The following TLE2 variants were observed in gnomAD, a reference collection of about 807,000 sequenced individuals.
TLE2 encodes the protein transducin-like enhancer protein 2.
Under a neutral mutation model 97.2 loss-of-function variants are expected in TLE2, and 74 were observed. The ratio of observed to expected loss-of-function variants is 0.76; its 90% CI spans 0.63 to 0.92. The LOEUF (loss-of-function observed/expected upper bound fraction) is 0.92, where lower values mean the gene tolerates loss of function less well. Among genes scored for constraint, TLE2 ranks in the 40% least tolerant of loss-of-function variants. The pLI, the probability that TLE2 is intolerant of heterozygous loss-of-function variation, is 0.00. For synonymous variants in TLE2, 499 were observed against 432.1 expected (o/e 1.15, Z -1.92); for missense variants, 1,038 against 1,008.7 (o/e 1.03, Z -0.39).
At chr19:3,040,991 TTATA>T (rs1168113732) in intron 1 of TLE2, among the ~76,000 whole-genome samples, 1,025 of 29,744 alleles carry the variant, frequency 0.034, 94 homozygotes, top group African/African-American at 0.13. Flanking sequence ...CTGCTGCCAT[TTATA>T]TATATATATA....
At chr19:3,036,648 C>G (rs2090065358) in intron 1 of TLE2, among the ~76,000 whole-genome samples, 1 of 152,272 alleles carries the variant, frequency 6.6e-6, no homozygotes, top group South Asian at 2.1e-4. Context: ...TTTCCTTCCA[C>G]CCAGGAACAT....
intron 10 of TLE2, among the ~76,000 whole-genome samples, 172 bp downstream of exon 10, chr19:3,014,398 G>C (rs1344891943): frequency 6.6e-6 from 1 of 152,132 alleles, no homozygotes. Context: ...GTGCAGTGGA[G>C]AGGAGGTCGG....
chr19:3,038,649 T>C (rs2090078335), intron 1 of TLE2, among the ~76,000 whole-genome samples: 1 of 152,276 alleles, frequency 6.6e-6, no homozygotes. Flanking sequence ...GGCTCACGCC[T>C]GTAATCCCAG....
In TLE2 at chr19:3,017,848, G is replaced by A. The variant is rs2089746312; in HGVS notation, c.562C>T (p.Pro188Ser). ...EAEGSRVERA[P>S]SRSASPSPPE... ...GGGTGCCACTCACTTACCCTGCTCG[G>A]GGCTCTCTCCACTGACAGATTGGGA... Residue 188 changes from proline to serine, a missense_variant, in exon 8 of 20, where the codon CCG (proline) becomes TCG (serine). Coordinates refer to ENST00000262953, the MANE Select transcript of TLE2 (RefSeq NM_003260.5). The A allele has an allele frequency of 6.2e-7, 1 of 1,612,316 alleles. No homozygotes were observed. The highest frequency in any genetic ancestry group is 8.5e-7 in the Non-Finnish European group (1 of 1,179,244).
At chr19:3,006,814 G>T in intron 14 of TLE2, 145 bp from the exon 15 acceptor site, 1 of 1,239,382 alleles carries the variant, frequency 8.1e-7, no homozygotes, top group Non-Finnish European at 1.1e-6. Flanking sequence ...AGGGAGTCTC[G>T]CCGTGTCGCC....
chr19:3,042,537 TA>T (rs1360059045), intron 1 of TLE2, among the ~76,000 whole-genome samples: 1 of 148,994 alleles, frequency 6.7e-6, no homozygotes, highest in Non-Finnish European at 1.5e-5. Flanking sequence ...CAGGGAAGGT[TA>T]GGGGACCCAA....
Position 3,006,722 on chromosome 19 carries a change from CGCACCT to C in TLE2, c.1251-59_1251-54del, listed in dbSNP as rs2089488504. The C allele has an allele frequency of 5.3e-6, 8 of 1,522,746 alleles. No homozygotes were observed. In the East Asian group the frequency reaches 1.4e-4, roughly 26 times the overall value. 94.3% of individuals were successfully genotyped at this position (1,522,746 alleles called of 1,614,324 possible). On this transcript the variant is annotated intron_variant, in intron 14 of 19. Transcript: ENST00000262953. ...GCCCTGGGCACCACGCCCCCGCACC[CGCACCT>C]GGGAGGGCAGGGAGACGCCTTTGTC... is the stretch of plus-strand genomic sequence containing the variant.
intron 5 of TLE2, among the ~76,000 whole-genome samples, chr19:3,023,113 G>T (rs1266190405): frequency 1.3e-5 from 2 of 149,872 alleles, no homozygotes. Flanking sequence ...GGAGTGCAAT[G>T]GTGCGAACTC....
intron 17 of TLE2, 32 bp downstream of exon 17, chr19:3,005,405 T>C: frequency 6.2e-7 from 1 of 1,609,640 alleles, no homozygotes; most frequent in East Asian, 2.2e-5. Flanking sequence ...TCCTAGAGCT[T>C]CCATCCCCCT....
chr19:3,019,245 G>T lies in TLE2; in HGVS notation c.550+38C>A, dbSNP rs188857566. The T allele has an allele frequency of 6.4e-7, 1 of 1,550,720 alleles. No individual in the cohort carries two copies. Among genetic ancestry groups the T allele is most frequent in the Non-Finnish European group, 8.7e-7 (1 of 1,155,960 alleles). ...ACTGCCAGTCGTCCTCCCCAGCCCC[G>T]TCTCCCCAGCCAATGCCACCCCGTG... On this transcript the variant is annotated intron_variant, in intron 7 of 19. Coordinates refer to ENST00000262953, the MANE Select transcript of TLE2 (RefSeq NM_003260.5). The surrounding 1 kb of genome is among the most constrained non-coding windows in gnomAD (Gnocchi z 5.1).
chr19:3,041,986 G>A (rs1177960460), intron 1 of TLE2, among the ~76,000 whole-genome samples: 2 of 151,980 alleles, frequency 1.3e-5, no homozygotes, highest in African/African-American at 4.8e-5. Flanking sequence ...CTCCTCCCGC[G>A]GTGCTGCGGG....
intron 2 of TLE2, 139 bp from the exon 3 acceptor site, chr19:3,028,521 C>T: frequency 9.5e-7 from 1 of 1,050,646 alleles, no homozygotes; most frequent in Non-Finnish European, 1.4e-6. Context: ...CCGCCCCTTC[C>T]TGGGCTCCAA....
At chr19:2,998,237 ATGTG>A (rs56398458) in intron 19 of TLE2, among the ~76,000 whole-genome samples, 49,309 of 120,662 alleles carry the variant, frequency 0.41, 11,200 homozygotes, top group East Asian at 0.55. Flanking sequence ...CGCCCGGCCA[ATGTG>A]TGTGTGTGTG....
At chr19:3,008,166 G>A (rs1173868590) in intron 14 of TLE2, among the ~76,000 whole-genome samples, 4 of 152,234 alleles carry the variant, frequency 2.6e-5, no homozygotes, top group Non-Finnish European at 5.9e-5. Flanking sequence ...ACGCCCAGCT[G>A]GTGGCGACTG....
At chr19:3,033,462 C>T (rs918283157), upstream of TLE2, among the ~76,000 whole-genome samples, 5 of 152,170 alleles carry the variant, frequency 3.3e-5, no homozygotes, top group East Asian at 1.9e-4. Context: ...CCACCGCACC[C>T]GGCTAATTTT....
Position 3,019,316 on chromosome 19 carries a change from C to T in TLE2, c.517G>A (p.Asp173Asn). Reference protein sequence around the residue: ...QAQLAAAVKEDRAGVEAEGSR... With the variant: ...QAQLAAAVKENRAGVEAEGSR... Reference sequence around the variant, plus strand: ...CCCTCGGCCTCCACGCCCGCACGGTCCTCCTTGACAGCCGCCGCCAGCTGA... The same window carrying T: ...CCCTCGGCCTCCACGCCCGCACGGTTCTCCTTGACAGCCGCCGCCAGCTGA... The change falls in exon 7 of 20, where the codon GAC becomes AAC. Residue 173 changes from aspartate to asparagine, a missense_variant. By Grantham distance (23) the Asp-to-Asn change is conservative. Transcript: ENST00000262953. The surrounding 1 kb of genome is among the most constrained non-coding windows in gnomAD (Gnocchi z 5.1). The T allele has an allele frequency of 6.3e-7, 1 of 1,577,220 alleles. No homozygotes were observed. Among genetic ancestry groups the T allele is most frequent in the Non-Finnish European group, 8.5e-7 (1 of 1,169,908 alleles).
rs1228318842 is a variant in TLE2, at chr19:3,015,982, G to A, written c.571-222C>T. ...GACGGAGTCTTGCTCTGCTGCCCAG[G>A]CTGGAGTGCAGTGGAGCCATCTCGG... On this transcript the variant is annotated intron_variant, in intron 8 of 19. Coordinates refer to ENST00000262953, the MANE Select transcript of TLE2 (RefSeq NM_003260.5). The A allele has an allele frequency of 4.7e-6, 3 of 634,294 alleles. No homozygotes were observed. In the African/African-American group the frequency reaches 5.4e-5, roughly 11 times the overall value. 39.3% of individuals were successfully genotyped at this position (634,294 alleles called of 1,614,324 possible). A position where few individuals can be genotyped will look rare whatever the true frequency, so the allele number is the denominator to read the frequency against.
intron 18 of TLE2, 29 bp downstream of exon 18, chr19:3,002,324 G>A: frequency 2.5e-6 from 4 of 1,576,648 alleles, no homozygotes; most frequent in Non-Finnish European, 3.4e-6. Flanking sequence ...GGGTTTTGAG[G>A]GCGTGCCACC....
At chr19:3,021,853 T>G (rs1347293427) in intron 5 of TLE2, among the ~76,000 whole-genome samples, 1 of 152,126 alleles carries the variant, frequency 6.6e-6, no homozygotes, top group Non-Finnish European at 1.5e-5. Context: ...AAAGTGCTGG[T>G]ATTACAGGTG....
Sources: gnomAD v4.1 joint callset for allele counts (sites outside exome capture counted in the v4.1 genomes callset) on GRCh38, gnomAD v4.1.1 for gene constraint, Gnocchi (gnomAD v3.1) non-coding constraint, MANE v1.5 for transcripts, NCBI Gene and HGNC (gene_info 2026-07-23, HGNC 2026-07-21) for gene names.